COL12A1: variants seen among roughly 807,000 people sequenced by gnomAD.
The protein encoded by COL12A1 is collagen type XII alpha 1 chain.
A neutral mutation model predicts 349.7 loss-of-function variants in COL12A1; 114 were observed. The ratio of observed to expected loss-of-function variants is 0.33; its 90% CI spans 0.28 to 0.38. The LOEUF (loss-of-function observed/expected upper bound fraction) is 0.38. Ranked by LOEUF, COL12A1 falls within the 10% of genes least tolerant of loss-of-function variation. The pLI is 1.00. For missense variants in COL12A1, 3,284 were observed against 3,756.9 expected (o/e 0.87, Z 3.29); for synonymous variants, 1,369 against 1,329.0 (o/e 1.03, Z -0.66).
At chr6:75,110,948 A>G (rs1265087438) in intron 51 of COL12A1, among the ~76,000 whole-genome samples, 1 of 151,940 alleles carries the variant, frequency 6.6e-6, no homozygotes, top group African/African-American at 2.4e-5. Context: ...GAGTGGGTCA[A>G]TGGGATGGGG....
Position 75,085,811 on chromosome 6 carries a change from A to G in COL12A1, c.*736T>C, listed in dbSNP as rs1243119025. ...AAAAGCAACTATCACCAGGTAATAT[A>G]CAGTACATGACATCTTCTGTGGCTG... On this transcript the variant is annotated 3_prime_UTR_variant, in exon 66 of 66. Coordinates refer to ENST00000322507, the MANE Select transcript of COL12A1 (RefSeq NM_004370.6). 1.2e-5 allele frequency: 2 copies of G among 162,650 alleles called. No individual in the cohort carries two copies. The highest frequency in any genetic ancestry group is 2.4e-5 in the African/African-American group (1 of 41,676). 10.1% of individuals were successfully genotyped at this position (162,650 alleles called of 1,614,324 possible).
chr6:75,204,989 C>G (rs1310337252), intron 1 of COL12A1, among the ~76,000 whole-genome samples: 1 of 151,994 alleles, frequency 6.6e-6, no homozygotes, highest in Admixed American at 6.6e-5. Flanking sequence ...TGAAGGGCTC[C>G]CGAGGTCGCC....
chr6:75,146,170 C>T lies in COL12A1; in HGVS notation c.4492G>A (p.Gly1498Arg). 6.2e-7 allele frequency: 1 copy of T among 1,613,658 alleles called. No homozygotes were observed. Among genetic ancestry groups the T allele is most frequent in the Middle Eastern group, 1.7e-4 (1 of 6,058 alleles). Reference sequence around the variant, plus strand: ...GACAAGATGTAGCCAGTAGCTCCTCCCACAGGCTGCCACTGCACATGCATG... The same window carrying T: ...GACAAGATGTAGCCAGTAGCTCCTCTCACAGGCTGCCACTGCACATGCATG... Reference protein sequence around the residue: ...TTMHVQWQPVGGATGYILSYK... With the variant: ...TTMHVQWQPVRGATGYILSYK... Residue 1498 changes from glycine to arginine, a missense_variant, in exon 24 of 66, where the codon GGA becomes AGA. Around this residue, in one of 2 missense-constraint regions of COL12A1, gnomAD observed 2,601 missense variants for 2,824.8 expected, o/e 0.92. Coordinates refer to ENST00000322507, the MANE Select transcript of COL12A1 (RefSeq NM_004370.6).
chr6:75,132,151 T>C, intron 34 of COL12A1, 69 bp from the exon 35 acceptor site: 1 of 1,546,946 alleles, frequency 6.5e-7, no homozygotes, highest in Non-Finnish European at 8.8e-7. Context: ...GTATCACTTT[T>C]CCAGAACCTA....
Position 75,128,277 on chromosome 6 carries a change from G to T in COL12A1, c.6340+19C>A. On this transcript the variant is annotated intron_variant, in intron 38 of 65. Transcript: ENST00000322507. ...ACAATTTCAAAGCAAAAATAAAAGG[G>T]GGAGTACAAAACACTTACCAGTTCT... 1 of 1,556,922 alleles carries T rather than the reference G, an allele frequency of 6.4e-7. No homozygotes were observed. Among genetic ancestry groups the T allele is most frequent in the Non-Finnish European group, 8.7e-7 (1 of 1,155,086 alleles).
intron 56 of COL12A1, among the ~76,000 whole-genome samples, 159 bp downstream of exon 56, chr6:75,102,438 C>T (rs186153547): frequency 9.2e-4 from 140 of 151,482 alleles, no homozygotes; most frequent in African/African-American, 3.1e-3. Context: ...AGTCTATTTA[C>T]GTATCTAAAA....
intron 58 of COL12A1, 27 bp from the exon 59 acceptor site, chr6:75,097,333 G>T: frequency 1.9e-6 from 3 of 1,591,464 alleles, no homozygotes; most frequent in Admixed American, 1.7e-5. Flanking sequence ...AGTAATTACA[G>T]TTAGGGAGGT....
At chr6:75,133,052 C>A (rs1766389132) in intron 34 of COL12A1, among the ~76,000 whole-genome samples, 1 of 152,130 alleles carries the variant, frequency 6.6e-6, no homozygotes, top group Admixed American at 6.5e-5. Context: ...AAGTAGTATA[C>A]TGATGATTAT....
At chr6:75,151,414 T>C in intron 20 of COL12A1, 127 bp from the exon 21 acceptor site, 3 of 725,134 alleles carry the variant, frequency 4.1e-6, no homozygotes, top group Non-Finnish European at 6.6e-6. Context: ...TAATAATTAG[T>C]TAACTAAAAC....
chr6:75,183,597 G>C lies in COL12A1; in HGVS notation c.1344C>G (p.Ser448=), dbSNP rs1004269418. 4.3e-6 allele frequency: 7 copies of C among 1,613,552 alleles called. No homozygotes were observed. Among genetic ancestry groups the C allele is most frequent in the Non-Finnish European group, 5.9e-6 (7 of 1,179,878 alleles). ...CAAAGTTTGCAATCCCAATGCTATA[G>C]GAGCCATCAACCAAAAACACAATAT... is the stretch of plus-strand genomic sequence containing the variant. The part of the protein sequence containing the change: ...KADIVFLVDG[S]YSIGIANFVK... The change falls in exon 10 of 66, where the codon TCC becomes TCG. Residue 448 remains serine (S), a synonymous_variant. Transcript: ENST00000322507.
intron 32 of COL12A1, among the ~76,000 whole-genome samples, chr6:75,134,415 T>TA (rs1397668374): frequency 6.6e-6 from 1 of 151,644 alleles, no homozygotes; most frequent in Non-Finnish European, 1.5e-5. Context: ...ACCAAAAATA[T>TA]AAAAAATTAG....
chr6:75,113,398 G>T, intron 50 of COL12A1, 85 bp from the exon 51 acceptor site: 1 of 1,017,742 alleles, frequency 9.8e-7, no homozygotes, highest in Non-Finnish European at 1.4e-6. Context: ...TTGTTGGAGA[G>T]ATTTCTTTAA....
chr6:75,188,337 G>C (rs1266733022), intron 8 of COL12A1, 25 bp downstream of exon 8: 1 of 1,589,446 alleles, frequency 6.3e-7, no homozygotes, highest in Non-Finnish European at 8.5e-7. Flanking sequence ...ACTAACACAT[G>C]GGGAATGCTA....
At chr6:75,152,630 A>T in intron 17 of COL12A1, 148 bp from the exon 18 acceptor site, 1 of 800,002 alleles carries the variant, frequency 1.3e-6, no homozygotes, top group Non-Finnish European at 2.0e-6. Flanking sequence ...TAAGACTCTG[A>T]AAATATGTCC....
intron 13 of COL12A1, among the ~76,000 whole-genome samples, chr6:75,171,991 G>A (rs1446739751): frequency 6.6e-6 from 1 of 152,194 alleles, no homozygotes; most frequent in African/African-American, 2.4e-5. Context: ...CTACAATTTA[G>A]TTAGGAATTA....
chr6:75,101,694 C>T (rs1314159553), intron 57 of COL12A1, 41 bp from the exon 58 acceptor site: 1 of 1,587,668 alleles, frequency 6.3e-7, no homozygotes, highest in Admixed American at 1.9e-5. Flanking sequence ...TTATAATATA[C>T]TTCCTGTGTG....
chr6:75,103,779 T>G lies in COL12A1; in HGVS notation c.8297A>C (p.Glu2766Ala). 10 of 1,613,510 alleles carry G rather than the reference T, an allele frequency of 6.2e-6. No individual in the cohort carries two copies. Among genetic ancestry groups the G allele is most frequent in the Non-Finnish European group, 8.5e-6 (10 of 1,179,488 alleles). The change falls in exon 55 of 66, where the codon GAA becomes GCA. Residue 2766 changes from glutamate (E) to alanine (A), a missense_variant. Physicochemically the swap from Glu to Ala is moderately radical, Grantham distance 107 (BLOSUM62 -1). Transcript: ENST00000322507. ...GGPGAKGPRG[E>A]RGISGAIGPP... ...TACAATTGCCCCACTGATACCTCTT[T>G]CACCTCTGGGACCTTTAGCACCAGG...
chr6:75,135,833 G>A (rs182410475), intron 31 of COL12A1, among the ~76,000 whole-genome samples: 65 of 152,228 alleles, frequency 4.3e-4, no homozygotes, highest in African/African-American at 1.4e-3. Flanking sequence ...ACCAGTATAA[G>A]CCATTTTGAT....
chr6:75,165,512 G>A lies in COL12A1; in HGVS notation c.2978C>T (p.Thr993Ile). The change falls in exon 14 of 66, where the codon ACT (threonine) becomes ATT (isoleucine). Residue 993 changes from threonine (T) to isoleucine (I), a missense_variant. Physicochemically the swap from Thr to Ile is moderately conservative, Grantham distance 89. This residue lies in a region of COL12A1 where 2,601 missense variants were observed against 2,824.8 expected (regional missense o/e 0.92). Transcript: ENST00000322507. ...EGEPLTGDAT[T>I]ELSQDSKTLK... The stretch of plus-strand genomic sequence containing the variant: ...ACACCCATAATGTTACCTACATTCA[G>A]TTGTGGCATCTCCAGTCAAAGGTTC... 6.2e-7 allele frequency: 1 copy of A among 1,613,232 alleles called. No homozygotes were observed. The highest frequency in any genetic ancestry group is 1.1e-5 in the South Asian group (1 of 91,064).
Sources: gnomAD v4.1 joint callset for allele counts (sites outside exome capture counted in the v4.1 genomes callset) on GRCh38, gnomAD v4.1.1 for gene constraint, gnomAD v4.1.1 regional missense constraint, MANE v1.5 for transcripts, NCBI Gene and HGNC (gene_info 2026-07-23, HGNC 2026-07-21) for gene names.